The following DYNC1I1 variants were observed in gnomAD, a reference collection of about 807,000 sequenced individuals.
The protein encoded by DYNC1I1 is cytoplasmic dynein 1 intermediate chain 1.
DYNC1I1 carries 43 observed loss-of-function variants against 86.6 expected under a neutral mutation model. That is an observed-to-expected ratio of 0.50 (90% CI 0.39 to 0.64). The LOEUF is 0.64. Ranked by LOEUF, DYNC1I1 falls within the 30% of genes least tolerant of loss-of-function variation. DYNC1I1 has a pLI of 0.00. For missense variants in DYNC1I1, 604 were observed against 788.8 expected, an observed-to-expected ratio of 0.77 and a Z score of 2.81; for synonymous variants, 262 against 283.7, an observed-to-expected ratio of 0.92 and a Z score of 0.77.
chr7:95,785,393 GAC>G (rs1229777790), intron 1 of DYNC1I1, among the ~76,000 whole-genome samples: 4 of 152,180 alleles, frequency 2.6e-5, no homozygotes, highest in African/African-American at 9.6e-5. Context: ...CAGCCTGGGC[GAC>G]ACAGTGAGAC....
intron 1 of DYNC1I1, among the ~76,000 whole-genome samples, chr7:95,777,731 T>C (rs1793880707): frequency 6.6e-6 from 1 of 152,174 alleles, no homozygotes; most frequent in Admixed American, 6.5e-5. Context: ...GTATTCATAA[T>C]AAAAATAATG....
At chr7:95,867,381 G>A (rs1790041157) in intron 5 of DYNC1I1, among the ~76,000 whole-genome samples, 1 of 152,186 alleles carries the variant, frequency 6.6e-6, no homozygotes, top group South Asian at 2.1e-4. Context: ...CCATTTTACA[G>A]ATAAGAAACA....
intron 6 of DYNC1I1, among the ~76,000 whole-genome samples, chr7:95,937,814 T>C (rs1377179761): frequency 6.6e-6 from 1 of 152,044 alleles, no homozygotes; most frequent in East Asian, 1.9e-4. Context: ...GAAATAAATA[T>C]ATACAGAAAA....
At chr7:96,034,445 C>G (rs1794886226) in intron 12 of DYNC1I1, among the ~76,000 whole-genome samples, 1 of 152,128 alleles carries the variant, frequency 6.6e-6, no homozygotes, top group Admixed American at 6.6e-5. Flanking sequence ...TTAGCATGCT[C>G]ACAGACTCCT....
chr7:96,081,457 A>G (rs1790518400), intron 16 of DYNC1I1, among the ~76,000 whole-genome samples: 1 of 152,224 alleles, frequency 6.6e-6, no homozygotes, highest in African/African-American at 2.4e-5. Context: ...CTGTATGAGA[A>G]AGTGTTGACC....
At chr7:96,072,734 T>C (rs1478668544) in intron 14 of DYNC1I1, among the ~76,000 whole-genome samples, 1 of 152,190 alleles carries the variant, frequency 6.6e-6, no homozygotes, top group East Asian at 1.9e-4. Flanking sequence ...AAATTCAAAA[T>C]CTTTAGAATC....
intron 10 of DYNC1I1, among the ~76,000 whole-genome samples, chr7:96,001,297 C>T (rs897421914): frequency 1.3e-5 from 2 of 152,162 alleles, no homozygotes; most frequent in Admixed American, 6.5e-5. Flanking sequence ...CTGCAATACC[C>T]ACCCACCTCC....
At chr7:96,076,268 CCT>C in intron 15 of DYNC1I1, 71 bp downstream of exon 15, 2 of 1,569,166 alleles carry the variant, frequency 1.3e-6, no homozygotes, top group Non-Finnish European at 8.6e-7. Flanking sequence ...GCAGTCTCTC[CCT>C]CTTTCTCCAA....
intron 10 of DYNC1I1, among the ~76,000 whole-genome samples, chr7:96,017,407 C>T (rs1051271178): frequency 1.3e-5 from 2 of 152,250 alleles, no homozygotes; most frequent in African/African-American, 4.8e-5. Context: ...AAAAAAGAGA[C>T]AAGAAACTTT....
chr7:96,110,202 TTTGTTATTAGGTGCC>T (rs552864445), downstream of DYNC1I1: 304 of 318,738 alleles, frequency 9.5e-4, 3 homozygotes, highest in African/African-American at 6.5e-3. Flanking sequence ...TATCCAAAGC[TTTGTTATTAGGTGCC>T]TACATATTGA....
At chr7:96,071,058 A>T (rs920859675) in intron 14 of DYNC1I1, among the ~76,000 whole-genome samples, 1 of 152,222 alleles carries the variant, frequency 6.6e-6, no homozygotes, top group African/African-American at 2.4e-5. Context: ...TGCCTCTCCT[A>T]TGTGAATTTA....
chr7:95,814,949 C>A (rs1392861587), intron 4 of DYNC1I1, among the ~76,000 whole-genome samples: 2 of 151,960 alleles, frequency 1.3e-5, no homozygotes, highest in Non-Finnish European at 2.9e-5. Context: ...TAAGATCTAA[C>A]ATTTATTCAA....
At position 95,804,306 on chromosome 7, in the gene DYNC1I1, G is replaced by A. The variant is rs561476638; in HGVS notation, c.-9-415G>A. 132 of 1,201,454 alleles carry A rather than the reference G, an allele frequency of 1.1e-4. No individual in the cohort carries two copies. In the South Asian group the frequency reaches 1.8e-3, roughly 16 times the overall value. 74.4% of individuals were successfully genotyped at this position (1,201,454 alleles called of 1,614,324 possible). On this transcript the variant is annotated intron_variant, in intron 1 of 16. Coordinates refer to ENST00000447467, the MANE Select transcript of DYNC1I1 (RefSeq NM_001135556.2). The stretch of plus-strand genomic sequence containing the variant: ...GGCATATCTCTAGGGGTTTATGACA[G>A]GCTGTTTTCTTTTCTCAGTGTGGGG...
In DYNC1I1 at chr7:96,097,389, G is replaced by C. The variant is rs1018674277; in HGVS notation, c.1777-94G>C. ...TTCCAAGGGAAACATCTGCTTTGGA[G>C]GGTGTGGGGGCAAAGGGACAGTCAT... On this transcript the variant is annotated intron_variant, in intron 16 of 16. Transcript: ENST00000447467. The C allele has an allele frequency of 2.2e-6, 3 of 1,353,618 alleles. No individual in the cohort carries two copies. The African/African-American group carries it at 4.3e-5, about 19-fold the overall frequency. 83.9% of individuals were successfully genotyped at this position (1,353,618 alleles called of 1,614,324 possible).
chr7:95,950,906 GC>G (rs1379424401), intron 6 of DYNC1I1, among the ~76,000 whole-genome samples: 4 of 152,184 alleles, frequency 2.6e-5, no homozygotes, highest in African/African-American at 9.6e-5. Flanking sequence ...GGGTATGTGA[GC>G]AATTCTGTAG....
chr7:95,945,561 T>G (rs1172661475), intron 6 of DYNC1I1, among the ~76,000 whole-genome samples: 1 of 152,216 alleles, frequency 6.6e-6, no homozygotes, highest in Non-Finnish European at 1.5e-5. Context: ...GCATTCATTT[T>G]GTTTTTCCTT....
chr7:95,955,651 T>C (rs900765864), intron 6 of DYNC1I1, among the ~76,000 whole-genome samples: 4 of 152,074 alleles, frequency 2.6e-5, no homozygotes, highest in African/African-American at 2.4e-5. Flanking sequence ...GAAGCAAAGA[T>C]GTATGAAAAT....
intron 5 of DYNC1I1, among the ~76,000 whole-genome samples, chr7:95,838,046 G>A (rs1024533953): frequency 2.6e-5 from 4 of 152,124 alleles, no homozygotes; most frequent in South Asian, 2.1e-4. Flanking sequence ...CTGTAGTCCC[G>A]CTTGTCTACT....
chr7:95,804,082 T>C (rs1794647297), intron 1 of DYNC1I1: 2 of 165,168 alleles, frequency 1.2e-5, no homozygotes, highest in South Asian at 3.2e-4. Context: ...AGAATGCAAA[T>C]GAAAGCTTTA....
Sources: gnomAD v4.1 joint callset for allele counts (sites outside exome capture counted in the v4.1 genomes callset) on GRCh38, gnomAD v4.1.1 for gene constraint, MANE v1.5 for transcripts, NCBI Gene and HGNC (gene_info 2026-07-23, HGNC 2026-07-21) for gene names.